Variants in CDC16 observed in about 807,000 individuals in gnomAD.
CDC16 encodes the protein cell division cycle 16.
In CDC16, 34 loss-of-function variants were observed where a neutral mutation model predicts 87.0. That is an observed-to-expected ratio of 0.39 (90% confidence interval 0.30 to 0.52). The LOEUF (loss-of-function observed/expected upper bound fraction) is 0.52. Ranked by LOEUF, CDC16 falls within the 20% of genes least tolerant of loss-of-function variation. CDC16 has a pLI of 0.74. For missense variants in CDC16, 653 were observed against 751.9 expected (o/e 0.87, Z 1.54); for synonymous variants, 263 against 260.6 (o/e 1.01, Z -0.09).
In CDC16 at chr13:114,243,992, AAGTAT is replaced by A; in HGVS notation, c.767+5_767+9del. 1 of 1,601,994 alleles carries A rather than the reference AAGTAT, an allele frequency of 6.2e-7. No individual in the cohort carries two copies. The highest frequency in any genetic ancestry group is 8.5e-7 in the Non-Finnish European group (1 of 1,170,834). On this transcript the variant is annotated splice_donor_5th_base_variant and intron_variant, in intron 8 of 17. Coordinates refer to ENST00000356221, the MANE Select transcript of CDC16 (RefSeq NM_001078645.3). Reference sequence around the variant, plus strand: ...ATGTGCTACAAGCTTACTTCTGTGTAAGTATATCCATCCATTTTTCTGTAGGAACA... The same window carrying A: ...ATGTGCTACAAGCTTACTTCTGTGTAATCCATCCATTTTTCTGTAGGAACA...
intron 11 of CDC16, chr13:114,247,331 AC>A: frequency 9.6e-6 from 2 of 209,180 alleles, no homozygotes; most frequent in Non-Finnish European, 1.7e-5. Flanking sequence ...GCTGATTTAA[AC>A]ATTTTTTTTT....
rs753092093 is a variant in CDC16, at chr13:114,244,917, A to G, written c.795A>G (p.Ala265=). ...SVVMEKDPFH[A]SCLPVHIGTL... ...TAATGGAGAAAGATCCTTTCCATGC[A>G]AGTTGTTTACCTGTACATATAGGGA... Residue 265 remains alanine, a synonymous_variant, in exon 9 of 18, where the codon GCA becomes GCG. Transcript: ENST00000356221. 36 of 1,611,526 alleles carry G rather than the reference A, an allele frequency of 2.2e-5. No individual in the cohort carries two copies. Among genetic ancestry groups the G allele is most frequent in the South Asian group, 4.4e-5 (4 of 90,828 alleles).
chr13:114,245,493 G>T (rs952852867), intron 9 of CDC16, among the ~76,000 whole-genome samples: 1 of 152,170 alleles, frequency 6.6e-6, no homozygotes, highest in Non-Finnish European at 1.5e-5. Flanking sequence ...TCAGAGTGTG[G>T]TTCGTGGACC....
At chr13:114,250,245 C>G (rs531897315) in intron 11 of CDC16, among the ~76,000 whole-genome samples, 2 of 152,104 alleles carry the variant, frequency 1.3e-5, no homozygotes, top group African/African-American at 4.8e-5. Context: ...GTAATCCCAG[C>G]ACTTTGGGAG....
At chr13:114,269,805 A>G (rs2083487240) in intron 17 of CDC16, among the ~76,000 whole-genome samples, 1 of 152,174 alleles carries the variant, frequency 6.6e-6, no homozygotes, top group South Asian at 2.1e-4. Flanking sequence ...CCTGGGTTCA[A>G]GCAATTCTCC....
intron 1 of CDC16, 22 bp downstream of exon 1, chr13:114,235,154 T>C: frequency 8.1e-7 from 1 of 1,237,978 alleles, no homozygotes; most frequent in Non-Finnish European, 1.0e-6. Context: ...CGACTCGGGG[T>C]GCGGGGCCCA....
At chr13:114,235,164 A>C in intron 1 of CDC16, 32 bp downstream of exon 1, 1 of 1,230,800 alleles carries the variant, frequency 8.1e-7, no homozygotes, top group African/African-American at 1.6e-5. Flanking sequence ...TGCGGGGCCC[A>C]GGCCTCGCCG....
At chr13:114,245,727 C>A in intron 9 of CDC16, 1 of 328,006 alleles carries the variant, frequency 3.0e-6, no homozygotes, top group Non-Finnish European at 5.5e-6. Flanking sequence ...GTGTGACAGG[C>A]ATGAGCTTCT....
At chr13:114,260,595 T>C (rs1441802639) in intron 14 of CDC16, among the ~76,000 whole-genome samples, 3 of 152,206 alleles carry the variant, frequency 2.0e-5, no homozygotes, top group African/African-American at 7.2e-5. Flanking sequence ...GCCTGTATTC[T>C]TTGATGATTA....
chr13:114,272,103 T>C (rs2083721080), intron 17 of CDC16, 81 bp from the exon 18 acceptor site: 1 of 771,008 alleles, frequency 1.3e-6, no homozygotes, highest in African/African-American at 1.8e-5. Context: ...ACTTAAATGA[T>C]AAGAGATGGT....
At chr13:114,236,435 T>C (rs2081252980) in intron 1 of CDC16, among the ~76,000 whole-genome samples, 1 of 152,188 alleles carries the variant, frequency 6.6e-6, no homozygotes, top group East Asian at 1.9e-4. Flanking sequence ...TACAAAGATA[T>C]TACAGGAATG....
chr13:114,239,337 G>A lies in CDC16; in HGVS notation c.241-13G>A. On this transcript the variant is annotated splice_polypyrimidine_tract_variant and intron_variant, in intron 4 of 17. Coordinates refer to ENST00000356221, the MANE Select transcript of CDC16 (RefSeq NM_001078645.3). ...GTCGTGAGTGATGAGCGGCACTTCT[G>A]TTTTCCACGTAGTATGCTGCAAAAG... The A allele has an allele frequency of 6.3e-7, 1 of 1,586,276 alleles. No individual in the cohort carries two copies. Among genetic ancestry groups the A allele is most frequent in the Non-Finnish European group, 8.6e-7 (1 of 1,160,638 alleles).
chr13:114,242,465 G>C lies in CDC16; in HGVS notation c.541+185G>C, dbSNP rs17337933. 701 of 563,216 alleles carry C rather than the reference G, an allele frequency of 1.2e-3. 3 individuals carry two copies. Among genetic ancestry groups the C allele is most frequent in the African/African-American group, 0.012 (633 of 52,570 alleles). The allele number at this position is 563,216 out of a possible 1,614,324, so 34.9% of individuals were successfully genotyped here. A position where few individuals can be genotyped will look rare whatever the true frequency, so the allele number is the denominator to read the frequency against. On this transcript the variant is annotated intron_variant, in intron 6 of 17. Coordinates refer to ENST00000356221, the MANE Select transcript of CDC16 (RefSeq NM_001078645.3). ...GCAGTATTGTACGGTGCCTTGTGCT[G>C]TCCGAATCTAGGGATTGTGATAGGA...
chr13:114,255,116 A>T (rs1339557716), intron 12 of CDC16, among the ~76,000 whole-genome samples: 1 of 152,214 alleles, frequency 6.6e-6, no homozygotes, highest in Non-Finnish European at 1.5e-5. Flanking sequence ...ATTCCTATGT[A>T]GTATCCTTCT....
chr13:114,262,286 G>T (rs192635992), intron 15 of CDC16, among the ~76,000 whole-genome samples: 436 of 152,288 alleles, frequency 2.9e-3, no homozygotes, highest in African/African-American at 9.6e-3. Flanking sequence ...TGAAAAATGG[G>T]TTTTTTGGTT....
At chr13:114,236,751 C>G in intron 2 of CDC16, 48 bp from the exon 3 acceptor site, 1 of 1,612,658 alleles carries the variant, frequency 6.2e-7, no homozygotes, top group Non-Finnish European at 8.5e-7. Flanking sequence ...AATTCGTTTT[C>G]TATTTCACCT....
chr13:114,265,661 T>A (rs964554360), intron 17 of CDC16, among the ~76,000 whole-genome samples: 11 of 152,236 alleles, frequency 7.2e-5, no homozygotes, highest in African/African-American at 2.4e-4. Flanking sequence ...TACATTTCCA[T>A]AACAGTGAAT....
chr13:114,239,494 A>G lies in CDC16; in HGVS notation c.381+4A>G, dbSNP rs1361745823. ...CTGGGAAATGTCACAGTCTTCAGTA[A>G]GTAGTACTGTGAGCACAGCTCAGTA... On this transcript the variant is annotated splice_donor_region_variant and intron_variant, in intron 5 of 17. Transcript: ENST00000356221. The G allele has an allele frequency of 1.3e-6, 2 of 1,599,678 alleles. No individual in the cohort carries two copies. The highest frequency in any genetic ancestry group is 2.7e-5 in the African/African-American group (2 of 74,606).
chr13:114,259,229 T>C (rs1405537951), intron 13 of CDC16, 106 bp from the exon 14 acceptor site: 5 of 632,146 alleles, frequency 7.9e-6, no homozygotes, highest in Non-Finnish European at 1.4e-5. Flanking sequence ...TTCCAGCAGT[T>C]TACCCCATTG....
Sources: allele counts gnomAD v4.1 joint callset (sites outside exome capture counted in the v4.1 genomes callset), GRCh38; gene constraint gnomAD v4.1.1; transcripts MANE v1.5; gene names NCBI Gene and HGNC (gene_info 2026-07-23, HGNC 2026-07-21).